The following UNC80 variants were observed in gnomAD, a reference collection of about 807,000 sequenced individuals.
UNC80 encodes protein unc-80 homolog.
UNC80 carries 164 observed loss-of-function variants against 384.6 expected under a neutral mutation model. The ratio of observed to expected loss-of-function variants is 0.43; its 90% CI spans 0.38 to 0.49. UNC80 has a LOEUF of 0.49. Among genes scored for constraint, UNC80 ranks in the 20% least tolerant of loss-of-function variants. The pLI is 0.00. For missense variants in UNC80, 3,330 were observed against 4,143.0 expected (o/e 0.80, Z 5.39); for synonymous variants, 1,486 against 1,527.8 (o/e 0.97, Z 0.64).
At position 209,895,270 on chromosome 2, in the gene UNC80, T is replaced by G. The variant is rs897867221; in HGVS notation, c.4480+904T>G. Among the ~76,000 whole-genome samples, 7 of 152,302 alleles carry G rather than the reference T, an allele frequency of 4.6e-5. 1 individual carries two copies. The highest frequency in any genetic ancestry group is 6.8e-3 in the Middle Eastern group (2 of 294). ...GAAGCACATTCACTTTGCCATTCAG[T>G]CTCTGTATGCAAGGCAAAATAGAAA... On this transcript the variant is annotated intron_variant, in intron 27 of 64. Transcript: ENST00000673920.
intron 48 of UNC80, among the ~76,000 whole-genome samples, chr2:209,955,738 TACACACAC>T (rs1156428874): frequency 0.015 from 808 of 53,164 alleles, 22 homozygotes; most frequent in East Asian, 0.028. Flanking sequence ...TATATATATA[TACACACAC>T]ACACACACAC....
At chr2:209,858,977 C>G (rs866149355) in intron 22 of UNC80, among the ~76,000 whole-genome samples, 1 of 151,992 alleles carries the variant, frequency 6.6e-6, no homozygotes, top group South Asian at 2.1e-4. Flanking sequence ...TTTTCCTTTA[C>G]TGGTTTGTAG....
At chr2:209,870,088 A>G (rs186491518) in intron 22 of UNC80, among the ~76,000 whole-genome samples, 3 of 152,290 alleles carry the variant, frequency 2.0e-5, no homozygotes, top group Non-Finnish European at 2.9e-5. Context: ...AGAGGCAATA[A>G]AATGATCCTC....
At position 209,936,952 on chromosome 2, in the gene UNC80, C is replaced by T; in HGVS notation, c.6363+19C>T. The T allele has an allele frequency of 6.7e-7, 1 of 1,489,990 alleles. No homozygotes were observed. Among genetic ancestry groups the T allele is most frequent in the Non-Finnish European group, 9.2e-7 (1 of 1,091,030 alleles). 92.3% of individuals were successfully genotyped at this position (1,489,990 alleles called of 1,614,324 possible). A position where few individuals can be genotyped will look rare whatever the true frequency, so the allele number is the denominator to read the frequency against. On this transcript the variant is annotated intron_variant, in intron 41 of 64. Coordinates refer to ENST00000673920, the MANE Select transcript of UNC80 (RefSeq NM_001371986.1). ...CAATAAGGTGAGACACCAGTAGTGA[C>T]ATCCCCGTTGAGTTGTGCCAAAGGC...
intron 15 of UNC80, among the ~76,000 whole-genome samples, chr2:209,830,016 C>A (rs2080839370): frequency 6.6e-6 from 1 of 152,072 alleles, no homozygotes; most frequent in African/African-American, 2.4e-5. Flanking sequence ...TATAGTAAAC[C>A]AAAGACTGGC....
chr2:209,815,706 T>C (rs1329190257), intron 9 of UNC80, among the ~76,000 whole-genome samples: 1 of 152,198 alleles, frequency 6.6e-6, no homozygotes, highest in Admixed American at 6.5e-5. Flanking sequence ...TTTCAACTCA[T>C]TTTTGGTTCA....
intron 7 of UNC80, chr2:209,794,877 C>G (rs1271388298): frequency 4.6e-6 from 2 of 434,614 alleles, no homozygotes; most frequent in Non-Finnish European, 9.2e-6. Context: ...ACTTATGTTC[C>G]CAGTTTGGGG....
intron 5 of UNC80, among the ~76,000 whole-genome samples, chr2:209,786,994 T>C (rs1574439140): frequency 3.7e-5 from 1 of 27,234 alleles, no homozygotes; most frequent in Non-Finnish European, 9.6e-5. Flanking sequence ...TATATATATA[T>C]ATATATATAT....
chr2:209,865,976 T>G (rs1029511933), intron 22 of UNC80, among the ~76,000 whole-genome samples: 4 of 152,238 alleles, frequency 2.6e-5, no homozygotes, highest in African/African-American at 9.6e-5. Context: ...GACAATCCTT[T>G]ATAGGTAATC....
At chr2:209,783,133 A>C (rs1212042648) in intron 4 of UNC80, among the ~76,000 whole-genome samples, 1 of 152,190 alleles carries the variant, frequency 6.6e-6, no homozygotes, top group Non-Finnish European at 1.5e-5. Context: ...GCTTTATGAC[A>C]TCCTGGAAAC....
intron 22 of UNC80, among the ~76,000 whole-genome samples, chr2:209,858,881 GTGTT>G (rs1177104853): frequency 6.6e-6 from 1 of 151,412 alleles, no homozygotes; most frequent in Non-Finnish European, 1.5e-5. Flanking sequence ...GTGCATGTGT[GTGTT>G]TGTTTCAATT....
chr2:209,899,873 C>G (rs112165748), intron 28 of UNC80, among the ~76,000 whole-genome samples: 1 of 152,200 alleles, frequency 6.6e-6, no homozygotes, highest in Non-Finnish European at 1.5e-5. Context: ...CAGTGTCAGT[C>G]GGACTTATTT....
At chr2:209,989,107 G>A (rs1245002533) in intron 61 of UNC80, among the ~76,000 whole-genome samples, 1 of 149,644 alleles carries the variant, frequency 6.7e-6, no homozygotes, top group African/African-American at 2.5e-5. Flanking sequence ...GAGGCCAGGA[G>A]TTTGAGACCA....
At chr2:209,947,779 T>C (rs2091978519) in intron 47 of UNC80, among the ~76,000 whole-genome samples, 1 of 152,194 alleles carries the variant, frequency 6.6e-6, no homozygotes, top group African/African-American at 2.4e-5. Flanking sequence ...AAAAAAATCA[T>C]AATTTTACAG....
intron 58 of UNC80, among the ~76,000 whole-genome samples, chr2:209,977,856 T>C (rs2093052211): frequency 6.6e-6 from 1 of 152,222 alleles, no homozygotes; most frequent in African/African-American, 2.4e-5. Flanking sequence ...TACCCACAAG[T>C]AAAATGTAAT....
At chr2:209,951,344 C>T (rs2092175835) in intron 47 of UNC80, 1 of 151,604 alleles carries the variant, frequency 6.6e-6, no homozygotes, top group African/African-American at 2.4e-5. Flanking sequence ...GTCGCCCAGG[C>T]TGGAGTGCAG....
intron 28 of UNC80, 78 bp from the exon 29 acceptor site, chr2:209,904,687 A>G (rs1178320392): frequency 7.8e-6 from 10 of 1,285,154 alleles, no homozygotes; most frequent in African/African-American, 2.9e-5. Context: ...CTGACTTCCC[A>G]TCTTCCACCC....
intron 23 of UNC80, among the ~76,000 whole-genome samples, chr2:209,875,536 T>C (rs1200735024): frequency 1.3e-5 from 2 of 152,234 alleles, no homozygotes; most frequent in Non-Finnish European, 2.9e-5. Context: ...GTGATCAGGT[T>C]ACTTCTCCCA....
chr2:209,821,729 A>T (rs1373859211), intron 13 of UNC80, among the ~76,000 whole-genome samples: 1 of 152,184 alleles, frequency 6.6e-6, no homozygotes, highest in East Asian at 1.9e-4. Context: ...TTAATTTTAA[A>T]TACAAATTAC....
Sources: allele counts gnomAD v4.1 joint callset (sites outside exome capture counted in the v4.1 genomes callset), GRCh38; gene constraint gnomAD v4.1.1; transcripts MANE v1.5; gene names NCBI Gene and HGNC (gene_info 2026-07-23, HGNC 2026-07-21).